The following NAALADL2 variants were observed in gnomAD, a reference collection of about 807,000 sequenced individuals.
NAALADL2 encodes the protein N-acetylated alpha-linked acidic dipeptidase like 2, also known as inactive N-acetylated-alpha-linked acidic dipeptidase-like protein 2.
Under a neutral mutation model 87.2 loss-of-function variants are expected in NAALADL2, and 76 were observed. The observed-to-expected ratio is 0.87, with a 90% CI of 0.72 to 1.05. The LOEUF is 1.05. Among genes scored for constraint, NAALADL2 ranks in the 50% least tolerant of loss-of-function variants. The pLI is 0.00. For missense variants in NAALADL2, 1,089 were observed against 945.8 expected, an observed-to-expected ratio of 1.15 and a Z score of -1.99; for synonymous variants, 354 against 331.0, an observed-to-expected ratio of 1.07 and a Z score of -0.75.
intron 8 of NAALADL2, 138 bp downstream of exon 8, chr3:175,467,322 T>A: frequency 1.5e-6 from 1 of 653,174 alleles, no homozygotes; most frequent in South Asian, 2.0e-5. Context: ...CTGAGATGGC[T>A]TATAATAATA....
chr3:175,544,708 C>T (rs1312805462), intron 9 of NAALADL2, among the ~76,000 whole-genome samples: 4 of 152,030 alleles, frequency 2.6e-5, no homozygotes, highest in Non-Finnish European at 5.9e-5. Context: ...ATTTGGCCTC[C>T]CTCTTTCACT....
chr3:175,259,795 G>T (rs1053360743), intron 4 of NAALADL2, among the ~76,000 whole-genome samples: 1 of 152,156 alleles, frequency 6.6e-6, no homozygotes, highest in Non-Finnish European at 1.5e-5. Flanking sequence ...TGTAATGCCA[G>T]CACCTTTGGA....
chr3:175,630,477 A>T (rs1223492563), intron 11 of NAALADL2, among the ~76,000 whole-genome samples: 1 of 151,212 alleles, frequency 6.6e-6, no homozygotes, highest in Non-Finnish European at 1.5e-5. Context: ...TTAACTCATT[A>T]AAAAAAACTA....
At chr3:174,799,754 G>A (rs1379827722) in intron 3 of NAALADL2, among the ~76,000 whole-genome samples, 1 of 152,184 alleles carries the variant, frequency 6.6e-6, no homozygotes, top group Non-Finnish European at 1.5e-5. Context: ...GGGCTGAGAA[G>A]AAGACAGGAA....
At chr3:175,557,322 G>A (rs763423323) in intron 9 of NAALADL2, among the ~76,000 whole-genome samples, 5 of 152,128 alleles carry the variant, frequency 3.3e-5, no homozygotes, top group Non-Finnish European at 7.4e-5. Context: ...TTTGATGCAA[G>A]CATGAAGTGT....
chr3:174,849,258 A>G (rs1291508439), intron 3 of NAALADL2, among the ~76,000 whole-genome samples: 1 of 151,668 alleles, frequency 6.6e-6, no homozygotes, highest in African/African-American at 2.4e-5. Flanking sequence ...ATCTTAATTG[A>G]CTCTATCTTT....
intron 2 of NAALADL2, among the ~76,000 whole-genome samples, chr3:174,641,634 G>A (rs979780331): frequency 1.3e-5 from 2 of 152,206 alleles, no homozygotes; most frequent in African/African-American, 4.8e-5. Flanking sequence ...CTAAGAGTCA[G>A]TCTTCAGCTG....
chr3:175,805,032 A>G lies in NAALADL2; in HGVS notation c.*1829A>G, dbSNP rs1041749491. The G allele has an allele frequency of 1.3e-5, 2 of 151,946 alleles. No homozygotes were observed. Among genetic ancestry groups the G allele is most frequent in the Admixed American group, 6.6e-5 (1 of 15,206 alleles). The allele number at this position is 151,946 out of a possible 1,614,324, so 9.4% of individuals were successfully genotyped here. A position where few individuals can be genotyped will look rare whatever the true frequency, so the allele number is the denominator to read the frequency against. On this transcript the variant is annotated 3_prime_UTR_variant, in exon 14 of 14. Transcript: ENST00000454872. ...TAGGCTTGTGCATACCTAGGCATTCATGCTCTTTCTTCCTCTTCAGAGATC... is the reference window on the plus strand; with the variant it reads ...TAGGCTTGTGCATACCTAGGCATTCGTGCTCTTTCTTCCTCTTCAGAGATC...
chr3:175,430,187 C>T (rs912315125), intron 5 of NAALADL2, among the ~76,000 whole-genome samples: 8 of 151,636 alleles, frequency 5.3e-5, no homozygotes, highest in African/African-American at 9.7e-5. Flanking sequence ...ATTCTTTGGC[C>T]GTTAAATTAT....
At chr3:174,460,223 A>G (rs1174038839) in intron 1 of NAALADL2, among the ~76,000 whole-genome samples, 2 of 150,914 alleles carry the variant, frequency 1.3e-5, no homozygotes, top group African/African-American at 4.9e-5. Flanking sequence ...TTCTTGGATC[A>G]GAATGGGAAA....
At chr3:174,519,203 A>G (rs1022109482) in intron 1 of NAALADL2, among the ~76,000 whole-genome samples, 1 of 152,144 alleles carries the variant, frequency 6.6e-6, no homozygotes, top group Non-Finnish European at 1.5e-5. Flanking sequence ...TGGGGATAAC[A>G]TTGTCAAAGG....
intron 9 of NAALADL2, among the ~76,000 whole-genome samples, chr3:175,487,232 C>T (rs1727409169): frequency 6.6e-6 from 1 of 152,124 alleles, no homozygotes; most frequent in South Asian, 2.1e-4. Context: ...ATTTGCAATC[C>T]CCACTGCACC....
At chr3:175,507,344 C>CA (rs1730492143) in intron 9 of NAALADL2, among the ~76,000 whole-genome samples, 1 of 152,138 alleles carries the variant, frequency 6.6e-6, no homozygotes, top group South Asian at 2.1e-4. Context: ...TTTTGGTTCC[C>CA]ATGTCCAGGT....
chr3:175,302,986 G>A (rs1757275328), intron 4 of NAALADL2, among the ~76,000 whole-genome samples: 2 of 152,022 alleles, frequency 1.3e-5, no homozygotes, highest in South Asian at 4.1e-4. Context: ...AATATTTGAA[G>A]CAATAAACAT....
rs188595468 is a variant in NAALADL2, at chr3:175,479,757, C to G, written c.1653+7999C>G. Reference sequence around the variant, plus strand: ...GTCTTATAACCTGACATGAATCTCTCCATAGTTACTACTACTAACTGTATT... The same window carrying G: ...GTCTTATAACCTGACATGAATCTCTGCATAGTTACTACTACTAACTGTATT... On this transcript the variant is annotated intron_variant, in intron 9 of 13. Coordinates refer to ENST00000454872, the MANE Select transcript of NAALADL2 (RefSeq NM_207015.3). Among the ~76,000 whole-genome samples, 683 of 151,774 alleles carry G rather than the reference C, an allele frequency of 4.5e-3. 6 individuals are homozygous for G. The highest frequency in any genetic ancestry group is 0.016 in the African/African-American group (664 of 41,480).
intron 3 of NAALADL2, among the ~76,000 whole-genome samples, chr3:174,849,087 G>A (rs1055795115): frequency 2.6e-5 from 4 of 152,130 alleles, no homozygotes; most frequent in African/African-American, 9.7e-5. Flanking sequence ...ACCATGAATG[G>A]ATCTTGCAGA....
intron 1 of NAALADL2, among the ~76,000 whole-genome samples, chr3:174,980,640 CTAAT>C (rs1371802017): frequency 6.6e-6 from 1 of 152,032 alleles, no homozygotes; most frequent in Non-Finnish European, 1.5e-5. Flanking sequence ...CATAAATATA[CTAAT>C]TAATGTTTAT....
intron 1 of NAALADL2, among the ~76,000 whole-genome samples, chr3:175,067,761 T>C (rs917663713): frequency 6.6e-6 from 1 of 151,956 alleles, no homozygotes; most frequent in Non-Finnish European, 1.5e-5. Flanking sequence ...AAGAAAGTAA[T>C]TTATTATACC....
chr3:175,167,901 T>A (rs764144381), intron 2 of NAALADL2, among the ~76,000 whole-genome samples: 1 of 151,994 alleles, frequency 6.6e-6, no homozygotes, highest in Non-Finnish European at 1.5e-5. Context: ...AAATTAGATA[T>A]ATATTTTATT....
Sources: allele counts gnomAD v4.1 joint callset (sites outside exome capture counted in the v4.1 genomes callset), GRCh38; gene constraint gnomAD v4.1.1; transcripts MANE v1.5; gene names NCBI Gene and HGNC (gene_info 2026-07-23, HGNC 2026-07-21).